The following NDST4 variants were observed in gnomAD, a reference collection of about 807,000 sequenced individuals.
NDST4 encodes the protein N-deacetylase and N-sulfotransferase 4.
A neutral mutation model predicts 100.8 loss-of-function variants in NDST4; 63 were observed. The ratio of observed to expected loss-of-function variants is 0.62; its 90% CI spans 0.51 to 0.77. The LOEUF is 0.77. NDST4 is among the 30% of genes least tolerant of loss of function. NDST4 has a pLI of 0.00. For missense variants in NDST4, 943 were observed against 1,018.4 expected (o/e 0.93, Z 1.01); for synonymous variants, 377 against 361.8 (o/e 1.04, Z -0.48).
At chr4:114,861,113 A>G (rs943383177) in intron 7 of NDST4, among the ~76,000 whole-genome samples, 1 of 152,180 alleles carries the variant, frequency 6.6e-6, no homozygotes, top group African/African-American at 2.4e-5. Context: ...CTAATCATTG[A>G]ATTATTTCTC....
At chr4:114,936,844 A>C (rs1005537795) in intron 5 of NDST4, among the ~76,000 whole-genome samples, 1 of 152,202 alleles carries the variant, frequency 6.6e-6, no homozygotes, top group African/African-American at 2.4e-5. Context: ...GAGTGCCTGA[A>C]AGCCAAAATA....
rs76837317 is a variant in NDST4, at chr4:115,012,093, C to T, written c.979-34819G>A. On this transcript the variant is annotated intron_variant, in intron 2 of 13. Coordinates refer to ENST00000264363, the MANE Select transcript of NDST4 (RefSeq NM_022569.3). ...CTAGGGTCTTAGAGCTGATAAATTA[C>T]TTCACAAAAGAAAATAAAACAATAA... Among the ~76,000 whole-genome samples, 191 of 151,914 alleles carry T rather than the reference C, an allele frequency of 1.3e-3. 4 individuals carry two copies. In the East Asian group the frequency reaches 0.033, roughly 26 times the overall value.
At chr4:115,091,782 T>C (rs1031218147) in intron 1 of NDST4, among the ~76,000 whole-genome samples, 6 of 152,138 alleles carry the variant, frequency 3.9e-5, no homozygotes, top group African/African-American at 1.4e-4. Flanking sequence ...CTGAGTAAAA[T>C]GCACATATAT....
chr4:114,982,903 C>T (rs1726809916), intron 2 of NDST4, among the ~76,000 whole-genome samples: 1 of 152,162 alleles, frequency 6.6e-6, no homozygotes, highest in African/African-American at 2.4e-5. Flanking sequence ...GCATCCCAGC[C>T]ACTCCAGCTC....
intron 7 of NDST4, among the ~76,000 whole-genome samples, chr4:114,857,251 A>G (rs1010594832): frequency 6.6e-6 from 1 of 152,222 alleles, no homozygotes; most frequent in African/African-American, 2.4e-5. Flanking sequence ...GTATCCAAGA[A>G]GAGAGTGCTA....
intron 1 of NDST4, among the ~76,000 whole-genome samples, chr4:115,084,610 G>A (rs554025047): frequency 6.6e-6 from 1 of 152,286 alleles, no homozygotes; most frequent in East Asian, 1.9e-4. Flanking sequence ...CCGTGCCTCA[G>A]GCTACTCCAG....
At chr4:114,885,685 A>C (rs1332246596) in intron 6 of NDST4, among the ~76,000 whole-genome samples, 1 of 152,076 alleles carries the variant, frequency 6.6e-6, no homozygotes, top group Non-Finnish European at 1.5e-5. Context: ...GCAACATATG[A>C]ATGGATTTTT....
intron 6 of NDST4, among the ~76,000 whole-genome samples, chr4:114,896,161 T>C (rs780526492): frequency 2.0e-5 from 3 of 152,224 alleles, no homozygotes; most frequent in Admixed American, 1.3e-4. Flanking sequence ...TTGACAATTA[T>C]GAACATCAGT....
chr4:114,936,923 T>C (rs1022916948), intron 5 of NDST4, among the ~76,000 whole-genome samples: 1 of 152,204 alleles, frequency 6.6e-6, no homozygotes, highest in Non-Finnish European at 1.5e-5. Context: ...AATAACAACT[T>C]GAGAGGTGTT....
intron 1 of NDST4, among the ~76,000 whole-genome samples, chr4:115,086,114 A>G (rs1729405134): frequency 6.6e-6 from 1 of 152,172 alleles, no homozygotes; most frequent in South Asian, 2.1e-4. Flanking sequence ...GGTTTTAGCT[A>G]AAGATCAATG....
intron 2 of NDST4, among the ~76,000 whole-genome samples, chr4:115,004,189 C>T (rs920543469): frequency 2.0e-5 from 3 of 152,086 alleles, no homozygotes; most frequent in African/African-American, 7.2e-5. Context: ...AAAATATAAA[C>T]AGCTGAAAAT....
At chr4:114,918,951 A>G (rs1451928919) in intron 6 of NDST4, among the ~76,000 whole-genome samples, 1 of 151,836 alleles carries the variant, frequency 6.6e-6, no homozygotes, top group African/African-American at 2.4e-5. Flanking sequence ...AAAACTCTCC[A>G]TTTTTCCTCC....
chr4:114,999,936 C>G (rs1727249676), intron 2 of NDST4, among the ~76,000 whole-genome samples: 1 of 151,754 alleles, frequency 6.6e-6, no homozygotes, highest in South Asian at 2.1e-4. Flanking sequence ...CTTCTTTTTG[C>G]CAATCTTATG....
chr4:115,092,955 A>T (rs867993201), intron 1 of NDST4, among the ~76,000 whole-genome samples: 9 of 152,324 alleles, frequency 5.9e-5, no homozygotes, highest in Admixed American at 2.6e-4. Context: ...TTTACAATGG[A>T]TATAAAATAA....
At chr4:114,983,548 T>G (rs1272027593) in intron 2 of NDST4, among the ~76,000 whole-genome samples, 1 of 152,240 alleles carries the variant, frequency 6.6e-6, no homozygotes, top group Non-Finnish European at 1.5e-5. Context: ...ACCAAATGCC[T>G]TTACCTGCAT....
At chr4:114,855,609 C>T (rs966048057) in intron 7 of NDST4, among the ~76,000 whole-genome samples, 2 of 151,958 alleles carry the variant, frequency 1.3e-5, no homozygotes, top group Non-Finnish European at 2.9e-5. Context: ...TTTCTGGATT[C>T]TCTATTCTGT....
chr4:115,055,563 A>C (rs1237278065), intron 2 of NDST4, among the ~76,000 whole-genome samples: 2 of 152,200 alleles, frequency 1.3e-5, no homozygotes, highest in African/African-American at 4.8e-5. Context: ...AAGCAACTTT[A>C]ACCTGAGTTC....
chr4:114,848,943 A>ATCAATT (rs1723616162), intron 8 of NDST4, among the ~76,000 whole-genome samples: 1 of 152,196 alleles, frequency 6.6e-6, no homozygotes, highest in Non-Finnish European at 1.5e-5. Flanking sequence ...CCTTTCCAAT[A>ATCAATT]TATGAGAAAA....
intron 1 of NDST4, 105 bp from the exon 2 acceptor site, chr4:115,077,387 T>G (rs1729211739): frequency 6.3e-6 from 1 of 159,576 alleles, no homozygotes; most frequent in Non-Finnish European, 1.4e-5. Flanking sequence ...AATGATAATT[T>G]TAGTGTTAAT....
Sources: gnomAD v4.1 joint callset for allele counts (sites outside exome capture counted in the v4.1 genomes callset) on GRCh38, gnomAD v4.1.1 for gene constraint, MANE v1.5 for transcripts, NCBI Gene and HGNC (gene_info 2026-07-23, HGNC 2026-07-21) for gene names.